The following RSPO2 variants were observed in gnomAD, a reference collection of about 807,000 sequenced individuals.
RSPO2 encodes the protein R-spondin-2.
RSPO2 carries 14 observed loss-of-function variants against 30.9 expected under a neutral mutation model. That is an observed-to-expected ratio of 0.45 (90% confidence interval 0.30 to 0.71). The LOEUF (loss-of-function observed/expected upper bound fraction) is 0.71. RSPO2 is among the 30% of genes least tolerant of loss of function. The probability of loss-of-function intolerance (pLI) is 0.08; values close to 1 mark genes in which losing one functional copy is unlikely to be tolerated. For missense variants in RSPO2, 264 were observed against 301.9 expected (o/e 0.87, Z 0.93); for synonymous variants, 107 against 96.4 (o/e 1.11, Z -0.64).
chr8:107,956,113 A>G (rs1313182144), intron 5 of RSPO2, among the ~76,000 whole-genome samples: 1 of 152,256 alleles, frequency 6.6e-6, no homozygotes, highest in Non-Finnish European at 1.5e-5. Context: ...TGCTCAAGTT[A>G]CAAAGCTAAT....
chr8:107,911,357 C>T (rs1415719187), intron 5 of RSPO2, among the ~76,000 whole-genome samples: 2 of 152,218 alleles, frequency 1.3e-5, no homozygotes, highest in Admixed American at 6.5e-5. Context: ...CAGGGTACAA[C>T]ATGATACTAG....
chr8:108,050,047 C>A (rs1216001753), intron 2 of RSPO2, among the ~76,000 whole-genome samples: 1 of 152,110 alleles, frequency 6.6e-6, no homozygotes, highest in Non-Finnish European at 1.5e-5. Flanking sequence ...AACTTAAATT[C>A]TCTCTATTAT....
intron 2 of RSPO2, among the ~76,000 whole-genome samples, chr8:108,020,579 T>C (rs1415812649): frequency 6.6e-6 from 1 of 152,090 alleles, no homozygotes; most frequent in Non-Finnish European, 1.5e-5. Context: ...AATGTTCTTA[T>C]TTTTTTAGTT....
chr8:108,030,119 G>GA (rs11434221), intron 2 of RSPO2, among the ~76,000 whole-genome samples: 27,836 of 70,428 alleles, frequency 0.4, 5,473 homozygotes, highest in Non-Finnish European at 0.42. Flanking sequence ...GGATAGATAG[G>GA]AAAAAAAAAA....
intron 5 of RSPO2, among the ~76,000 whole-genome samples, chr8:107,910,064 G>T (rs1164813000): frequency 1.3e-5 from 2 of 152,138 alleles, no homozygotes; most frequent in Non-Finnish European, 2.9e-5. Context: ...CAGAGAAAAT[G>T]ATTCAGCTGT....
chr8:107,942,060 G>C (rs1812916046), intron 5 of RSPO2, among the ~76,000 whole-genome samples: 1 of 152,110 alleles, frequency 6.6e-6, no homozygotes, highest in Non-Finnish European at 1.5e-5. Context: ...TAACTTAAGA[G>C]AATCAACTGA....
intron 5 of RSPO2, among the ~76,000 whole-genome samples, chr8:107,920,972 AGT>A: frequency 6.9e-6 from 1 of 145,912 alleles, no homozygotes; most frequent in East Asian, 1.9e-4. Context: ...TTCTTCAAAA[AGT>A]GTGTACTTTT....
chr8:107,919,410 CT>C (rs777963752), intron 5 of RSPO2, among the ~76,000 whole-genome samples: 7 of 152,108 alleles, frequency 4.6e-5, no homozygotes, highest in Non-Finnish European at 8.8e-5. Context: ...GATAATAGCC[CT>C]TTCACAAAAC....
intron 2 of RSPO2, among the ~76,000 whole-genome samples, chr8:108,033,608 C>T (rs1022652229): frequency 6.6e-6 from 1 of 152,188 alleles, no homozygotes; most frequent in Non-Finnish European, 1.5e-5. Context: ...AAGTAGACCT[C>T]TTTGGAGTCA....
chr8:108,009,586 A>AT, intron 2 of RSPO2, among the ~76,000 whole-genome samples: 1 of 152,326 alleles, frequency 6.6e-6, no homozygotes, highest in Non-Finnish European at 1.5e-5. Context: ...TTTAAAATTT[A>AT]TTTTTAGCTC....
chr8:107,986,049 A>C (rs1334785591), intron 3 of RSPO2, among the ~76,000 whole-genome samples: 1 of 152,212 alleles, frequency 6.6e-6, no homozygotes, highest in Non-Finnish European at 1.5e-5. Context: ...CTAAAAGTAT[A>C]ATTTTCTTCT....
chr8:107,954,605 T>A (rs993918976), intron 5 of RSPO2, among the ~76,000 whole-genome samples: 5 of 39,726 alleles, frequency 1.3e-4, no homozygotes, highest in Non-Finnish European at 3.1e-4. Flanking sequence ...TATTTATTTA[T>A]TTTATTTATT....
intron 5 of RSPO2, among the ~76,000 whole-genome samples, chr8:107,920,737 C>T (rs774283673): frequency 1.1e-4 from 16 of 152,042 alleles, no homozygotes; most frequent in Non-Finnish European, 1.8e-4. Context: ...TATATGAATG[C>T]ATAATGTTAT....
In RSPO2 at chr8:107,989,352, T is replaced by C. The variant is rs1037223515; in HGVS notation, c.95-108A>G. The C allele has an allele frequency of 1.5e-5, 10 of 676,606 alleles. No individual in the cohort carries two copies. The South Asian group carries it at 1.7e-4, about 12-fold the overall frequency. The allele number at this position is 676,606 out of a possible 1,614,324, so 41.9% of individuals were successfully genotyped here. On this transcript the variant is annotated intron_variant, in intron 2 of 5. Coordinates refer to ENST00000276659, the MANE Select transcript of RSPO2 (RefSeq NM_178565.5). ...TTCTTTTCTTTCTGCTATACTCACA[T>C]AGAAATACTAAATAAAATATCCCTC...
At chr8:107,972,578 G>A (rs777822835) in intron 3 of RSPO2, among the ~76,000 whole-genome samples, 9 of 151,948 alleles carry the variant, frequency 5.9e-5, no homozygotes, top group Non-Finnish European at 1.2e-4. Context: ...CTCATGTTTT[G>A]CCTTTAAGAA....
chr8:108,059,454 G>C (rs1028693354), intron 2 of RSPO2, among the ~76,000 whole-genome samples: 1 of 151,548 alleles, frequency 6.6e-6, no homozygotes, highest in African/African-American at 2.4e-5. Flanking sequence ...CGATTCCTCA[G>C]GGATCTAGAA....
chr8:108,082,832 G>C, intron 1 of RSPO2, 25 bp from the exon 2 acceptor site: 2 of 557,986 alleles, frequency 3.6e-6, no homozygotes, highest in South Asian at 4.8e-5. Context: ...GCGAAAACAG[G>C]GTGTGTGGGG....
At chr8:108,009,711 T>C (rs1810635026) in intron 2 of RSPO2, among the ~76,000 whole-genome samples, 1 of 152,206 alleles carries the variant, frequency 6.6e-6, no homozygotes, top group Admixed American at 6.5e-5. Context: ...AATTTTAAAA[T>C]TCTTGGAAGA....
intron 5 of RSPO2, among the ~76,000 whole-genome samples, chr8:107,929,482 C>A (rs1416410478): frequency 1.3e-5 from 2 of 152,102 alleles, no homozygotes. Context: ...TACACGAACT[C>A]GCATAACAGC....
Sources: gnomAD v4.1 joint callset for allele counts (sites outside exome capture counted in the v4.1 genomes callset) on GRCh38, gnomAD v4.1.1 for gene constraint, MANE v1.5 for transcripts, NCBI Gene and HGNC (gene_info 2026-07-23, HGNC 2026-07-21) for gene names.